NIBAN1: variants seen among roughly 807,000 people sequenced by gnomAD.
NIBAN1 encodes the protein niban apoptosis regulator 1.
Under a neutral mutation model 75.1 loss-of-function variants are expected in NIBAN1, and 81 were observed. The observed-to-expected ratio is 1.08, with a 90% CI of 0.90 to 1.30. The LOEUF is 1.30. NIBAN1 is among the 50% of genes most tolerant of loss of function. NIBAN1 has a pLI of 0.00. For synonymous variants in NIBAN1, 436 were observed against 424.8 expected, an observed-to-expected ratio of 1.03 and a Z score of -0.32; for missense variants, 1,133 against 1,128.1, an observed-to-expected ratio of 1.00 and a Z score of -0.06.
At chr1:184,809,933 G>A (rs1654327506) in intron 9 of NIBAN1, among the ~76,000 whole-genome samples, 1 of 152,064 alleles carries the variant, frequency 6.6e-6, no homozygotes, top group South Asian at 2.1e-4. Context: ...ACAATCTAAA[G>A]TCTAGCCTCT....
intron 6 of NIBAN1, among the ~76,000 whole-genome samples, chr1:184,824,248 C>T (rs991397200): frequency 9.9e-5 from 15 of 152,112 alleles, no homozygotes; most frequent in African/African-American, 3.4e-4. Flanking sequence ...GCCCCATTGT[C>T]ATCCTCTTTA....
At chr1:184,895,586 A>T (rs1443568896) in intron 2 of NIBAN1, among the ~76,000 whole-genome samples, 1 of 152,114 alleles carries the variant, frequency 6.6e-6, no homozygotes, top group African/African-American at 2.4e-5. Context: ...TTTTATATTC[A>T]AGGGGTACGT....
chr1:184,887,599 G>A (rs1315643889), intron 4 of NIBAN1: 1 of 152,148 alleles, frequency 6.6e-6, no homozygotes, highest in East Asian at 1.9e-4. Flanking sequence ...AGAATGCTAT[G>A]GTAGGAGCTC....
At chr1:184,935,934 GGCAAAT>G (rs987782205) in intron 1 of NIBAN1, among the ~76,000 whole-genome samples, 2 of 151,356 alleles carry the variant, frequency 1.3e-5, no homozygotes, top group Non-Finnish European at 2.9e-5. Flanking sequence ...CACAGGTGAA[GGCAAAT>G]GCAGACTAGT....
chr1:184,842,851 T>C (rs1253559432), intron 5 of NIBAN1, among the ~76,000 whole-genome samples: 1 of 152,122 alleles, frequency 6.6e-6, no homozygotes, highest in Non-Finnish European at 1.5e-5. Flanking sequence ...AATCTGTATT[T>C]AAACAAGCTC....
chr1:184,914,164 G>A (rs893439319), intron 1 of NIBAN1, among the ~76,000 whole-genome samples: 1 of 152,192 alleles, frequency 6.6e-6, no homozygotes, highest in African/African-American at 2.4e-5. Context: ...TTCTACTTCA[G>A]AAAGGTGCAG....
At chr1:184,885,564 C>A (rs1656504047) in intron 4 of NIBAN1, among the ~76,000 whole-genome samples, 1 of 152,210 alleles carries the variant, frequency 6.6e-6, no homozygotes, top group South Asian at 2.1e-4. Context: ...CCACTGACAA[C>A]CTGTGCACCC....
intron 1 of NIBAN1, among the ~76,000 whole-genome samples, chr1:184,921,797 G>C (rs1260900175): frequency 1.3e-5 from 2 of 152,144 alleles, no homozygotes; most frequent in Admixed American, 1.3e-4. Context: ...ATTATTTTCA[G>C]GAACATTCAA....
rs528962478 is a variant in NIBAN1 at position 184,818,915 on chromosome 1, C to A, written c.986-90G>T. ...CAGACCAGAGCTGAATGGTGCCCCA[C>A]GGAGCCATTTAACAGCCAAGGCAAG... is the stretch of plus-strand genomic sequence containing the variant. On this transcript the variant is annotated intron_variant, in intron 8 of 13. Transcript: ENST00000367511. 4 of 1,403,076 alleles carry A rather than the reference C, an allele frequency of 2.9e-6. No homozygotes were observed. In the Admixed American group the frequency reaches 6.8e-5, roughly 24 times the overall value. The allele number at this position is 1,403,076 out of a possible 1,614,324, so 86.9% of individuals were successfully genotyped here.
intron 8 of NIBAN1, among the ~76,000 whole-genome samples, chr1:184,820,758 G>C (rs1044315213): frequency 3.3e-5 from 5 of 152,234 alleles, no homozygotes; most frequent in Non-Finnish European, 7.3e-5. Context: ...ACCACAACTA[G>C]CTCTGGAATC....
intron 1 of NIBAN1, among the ~76,000 whole-genome samples, chr1:184,969,335 C>G (rs1658876483): frequency 6.6e-6 from 1 of 152,182 alleles, no homozygotes; most frequent in African/African-American, 2.4e-5. Flanking sequence ...TGAGACACCT[C>G]AGCTTTGCAG....
Position 184,890,111 on chromosome 1 carries a change from G to A in NIBAN1, c.430C>T (p.Leu144Phe). The A allele has an allele frequency of 8.7e-6, 14 of 1,611,332 alleles. No individual in the cohort carries two copies. Among genetic ancestry groups the A allele is most frequent in the Non-Finnish European group, 1.2e-5 (14 of 1,177,602 alleles). The change falls in exon 4 of 14, where the codon CTT (leucine) becomes TTT (phenylalanine). Residue 144 changes from leucine (L) to phenylalanine (F), a missense_variant. Leu to Phe is a conservative substitution (Grantham distance 22). Transcript: ENST00000367511. ...AAAAGAATGATCAGCAACTCACCAA[G>A]AGGGTCTGGGAAATGCCTGTCAGAC... ...LLSDRHFPDPLASSEKENTQP... is the reference protein window; with the variant it reads ...LLSDRHFPDPFASSEKENTQP...
At chr1:184,841,970 T>C (rs1347675232) in intron 5 of NIBAN1, among the ~76,000 whole-genome samples, 5 of 152,156 alleles carry the variant, frequency 3.3e-5, no homozygotes, top group Non-Finnish European at 7.3e-5. Flanking sequence ...GGTGCTGCCA[T>C]TCATATTCAC....
chr1:184,813,411 A>T (rs1654438422), intron 9 of NIBAN1, among the ~76,000 whole-genome samples: 1 of 152,262 alleles, frequency 6.6e-6, no homozygotes, highest in East Asian at 1.9e-4. Flanking sequence ...TTTTGTCTAA[A>T]TTATGCAGGT....
At chr1:184,840,168 G>A (rs534681269) in intron 5 of NIBAN1, among the ~76,000 whole-genome samples, 1 of 152,250 alleles carries the variant, frequency 6.6e-6, no homozygotes, top group South Asian at 2.1e-4. Context: ...ATTTATACAT[G>A]ACCAACCTAA....
In NIBAN1 at chr1:184,831,925, A is replaced by G; in HGVS notation, c.639T>C (p.Phe213=). The G allele has an allele frequency of 6.2e-7, 1 of 1,614,170 alleles. No homozygotes were observed. Among genetic ancestry groups the G allele is most frequent in the Non-Finnish European group, 8.5e-7 (1 of 1,180,018 alleles). The change falls in exon 6 of 14, where the codon TTT becomes TTC. Residue 213 remains phenylalanine, a synonymous_variant. Transcript: ENST00000367511. The part of the protein sequence containing the change: ...MKQMTFEAQA[F]LEAVQFFRQE... ...GTCGGAAGAATTGCACAGCTTCTAA[A>G]AAGGCTTGGGCTTCAAATGTCATCT...
At chr1:184,974,166 C>A in intron 1 of NIBAN1, 136 bp downstream of exon 1, 1 of 920,000 alleles carries the variant, frequency 1.1e-6, no homozygotes, top group Non-Finnish European at 1.5e-6. Flanking sequence ...CCGACTCGCG[C>A]GGGCGGGCTG....
chr1:184,908,748 C>T (rs758579444), intron 1 of NIBAN1, among the ~76,000 whole-genome samples: 17 of 152,208 alleles, frequency 1.1e-4, no homozygotes, highest in East Asian at 3.9e-4. Flanking sequence ...CCTCACAGCA[C>T]GCCTCCAATT....
intron 1 of NIBAN1, among the ~76,000 whole-genome samples, chr1:184,949,123 G>A (rs1414882180): frequency 6.6e-6 from 1 of 152,156 alleles, no homozygotes; most frequent in African/African-American, 2.4e-5. Flanking sequence ...GGAGGCCGAG[G>A]CGGGCGGATC....
Sources: allele counts gnomAD v4.1 joint callset (sites outside exome capture counted in the v4.1 genomes callset), GRCh38; gene constraint gnomAD v4.1.1; transcripts MANE v1.5; gene names NCBI Gene and HGNC (gene_info 2026-07-23, HGNC 2026-07-21).